The following FTO variants were observed in gnomAD, a reference collection of about 807,000 sequenced individuals.
FTO encodes alpha-ketoglutarate-dependent dioxygenase FTO.
A neutral mutation model predicts 63.9 loss-of-function variants in FTO; 47 were observed. The ratio of observed to expected loss-of-function variants is 0.74; its 90% CI spans 0.58 to 0.94. The LOEUF (loss-of-function observed/expected upper bound fraction) is 0.94. Ranked by LOEUF, FTO falls within the 40% of genes least tolerant of loss-of-function variation. FTO has a pLI of 0.00. For missense variants in FTO, 562 were observed against 618.1 expected (o/e 0.91, Z 0.96); for synonymous variants, 207 against 224.4 (o/e 0.92, Z 0.69).
At chr16:53,886,961 G>A (rs1290027241) in intron 6 of FTO, 1 of 152,190 alleles carries the variant, frequency 6.6e-6, no homozygotes, top group Non-Finnish European at 1.5e-5. Context: ...GTGGTAAAAA[G>A]AGTATTTAAG....
chr16:53,775,437 C>T (rs1466046712), intron 1 of FTO, among the ~76,000 whole-genome samples: 1 of 152,136 alleles, frequency 6.6e-6, no homozygotes, highest in Non-Finnish European at 1.5e-5. Flanking sequence ...TGGGCTTTTG[C>T]AGTAGTCTCC....
intron 7 of FTO, among the ~76,000 whole-genome samples, chr16:53,917,817 C>A (rs1220765075): frequency 6.6e-6 from 1 of 151,870 alleles, no homozygotes; most frequent in Non-Finnish European, 1.5e-5. Flanking sequence ...ACATTGAAGA[C>A]TCTGTAGACA....
At chr16:54,028,248 G>C (rs1172968761) in intron 8 of FTO, among the ~76,000 whole-genome samples, 1 of 152,118 alleles carries the variant, frequency 6.6e-6, no homozygotes, top group African/African-American at 2.4e-5. Context: ...GATCCCTTTG[G>C]CTTGGCCCAC....
At chr16:53,838,222 T>G (rs957924962) in intron 3 of FTO, among the ~76,000 whole-genome samples, 1 of 152,200 alleles carries the variant, frequency 6.6e-6, no homozygotes, top group African/African-American at 2.4e-5. Context: ...TTCTCCTGCC[T>G]CAAGATCTGT....
intron 8 of FTO, among the ~76,000 whole-genome samples, chr16:54,018,440 A>C (rs1410530786): frequency 6.6e-6 from 1 of 152,132 alleles, no homozygotes; most frequent in African/African-American, 2.4e-5. Flanking sequence ...ATACATACAT[A>C]CATACATACA....
intron 7 of FTO, chr16:53,911,395 G>A (rs1453100686): frequency 2.8e-6 from 2 of 703,142 alleles, no homozygotes; most frequent in Non-Finnish European, 5.2e-6. Flanking sequence ...GTGGAGGAAA[G>A]TCAGCGAATG....
At chr16:53,920,479 G>A (rs760829165) in intron 7 of FTO, among the ~76,000 whole-genome samples, 2 of 152,176 alleles carry the variant, frequency 1.3e-5, no homozygotes, top group African/African-American at 2.4e-5. Context: ...TGTCCAGATC[G>A]CAGCCTACAT....
At chr16:53,885,623 T>G (rs2080977393) in intron 6 of FTO, among the ~76,000 whole-genome samples, 1 of 152,258 alleles carries the variant, frequency 6.6e-6, no homozygotes. Flanking sequence ...CCTTGTGGTC[T>G]TGTTTAGTAT....
intron 7 of FTO, chr16:53,923,205 A>G (rs2082049587): frequency 6.6e-6 from 1 of 152,234 alleles, no homozygotes; most frequent in Admixed American, 6.5e-5. Flanking sequence ...CTGTTGTTTC[A>G]GCCGTAGTAG....
chr16:53,977,819 G>A (rs1332153922), intron 8 of FTO, among the ~76,000 whole-genome samples: 1 of 152,070 alleles, frequency 6.6e-6, no homozygotes, highest in African/African-American at 2.4e-5. Context: ...TATAGTTTTA[G>A]TTAGTCCTGA....
intron 7 of FTO, among the ~76,000 whole-genome samples, chr16:53,893,705 T>C (rs1363780314): frequency 2.0e-5 from 3 of 152,196 alleles, no homozygotes; most frequent in Non-Finnish European, 4.4e-5. Context: ...AGTGGAAATA[T>C]TCGACAATCG....
intron 3 of FTO, among the ~76,000 whole-genome samples, chr16:53,836,446 C>T (rs1237714432): frequency 5.3e-5 from 8 of 152,232 alleles, no homozygotes; most frequent in East Asian, 1.9e-4. Context: ...TAATTTGTGT[C>T]TTCATCCTTC....
intron 6 of FTO, among the ~76,000 whole-genome samples, chr16:53,881,986 T>G (rs1205147269): frequency 6.6e-6 from 1 of 152,186 alleles, no homozygotes; most frequent in South Asian, 2.1e-4. Flanking sequence ...GTGGTAATGG[T>G]TGCACAGCTT....
chr16:53,824,653 A>G (rs1015672406), intron 2 of FTO, among the ~76,000 whole-genome samples: 1 of 152,078 alleles, frequency 6.6e-6, no homozygotes, highest in African/African-American at 2.4e-5. Context: ...TGCCCTGCCT[A>G]TCATGTGAAT....
chr16:53,721,118 T>C (rs2076029345), intron 1 of FTO, among the ~76,000 whole-genome samples: 1 of 152,178 alleles, frequency 6.6e-6, no homozygotes, highest in African/African-American at 2.4e-5. Context: ...CATGAAGTAC[T>C]AAGTGATCCT....
chr16:53,897,565 TA>T (rs1467535114), intron 7 of FTO, among the ~76,000 whole-genome samples: 1 of 152,242 alleles, frequency 6.6e-6, no homozygotes, highest in Non-Finnish European at 1.5e-5. Context: ...AGATGTTCTT[TA>T]ACAGATGTTG....
intron 8 of FTO, among the ~76,000 whole-genome samples, chr16:54,104,750 G>GA (rs2086711030): frequency 6.6e-6 from 1 of 152,130 alleles, no homozygotes; most frequent in Non-Finnish European, 1.5e-5. Context: ...TCAACTTCCA[G>GA]AAAAAACACT....
At chr16:53,755,672 G>A (rs1419975566) in intron 1 of FTO, among the ~76,000 whole-genome samples, 1 of 152,202 alleles carries the variant, frequency 6.6e-6, no homozygotes, top group Non-Finnish European at 1.5e-5. Context: ...CCAAAATGCA[G>A]ATTGCATTTC....
intron 8 of FTO, among the ~76,000 whole-genome samples, chr16:53,959,555 T>TA (rs1468764067): frequency 6.6e-6 from 1 of 151,708 alleles, no homozygotes; most frequent in Non-Finnish European, 1.5e-5. Flanking sequence ...TGTCATTTAT[T>TA]GAGTGTTTGT....
Sources: allele counts gnomAD v4.1 joint callset (sites outside exome capture counted in the v4.1 genomes callset), GRCh38; gene constraint gnomAD v4.1.1; transcripts MANE v1.5; gene names NCBI Gene and HGNC (gene_info 2026-07-23, HGNC 2026-07-21).